The following GATM variants were observed in gnomAD, a reference collection of about 807,000 sequenced individuals.
GATM encodes the protein glycine amidinotransferase, mitochondrial.
Under a neutral mutation model 54.2 loss-of-function variants are expected in GATM, and 23 were observed. The observed-to-expected ratio is 0.42, with a 90% CI of 0.31 to 0.60. The LOEUF (loss-of-function observed/expected upper bound fraction) is 0.60. Among genes scored for constraint, GATM ranks in the 20% least tolerant of loss-of-function variants. The pLI is 0.14. For synonymous variants in GATM, 168 were observed against 183.1 expected, an observed-to-expected ratio of 0.92 and a Z score of 0.67; for missense variants, 401 against 544.9, an observed-to-expected ratio of 0.74 and a Z score of 2.63.
intron 2 of GATM, among the ~76,000 whole-genome samples, chr15:45,372,006 C>T (rs572795854): frequency 1.5e-3 from 230 of 152,256 alleles, no homozygotes; most frequent in African/African-American, 5.5e-3. Flanking sequence ...TACGCTGGAA[C>T]CTAGCTTGGT....
intron 1 of GATM, 29 bp downstream of exon 1, chr15:45,378,356 C>A: frequency 6.7e-7 from 1 of 1,502,032 alleles, no homozygotes. Context: ...AGTCACGCGG[C>A]CGCCAGACGA....
At chr15:45,397,661 G>A (rs1367419466) in intron 2 of GATM, among the ~76,000 whole-genome samples, 1 of 152,144 alleles carries the variant, frequency 6.6e-6, no homozygotes, top group Non-Finnish European at 1.5e-5. Flanking sequence ...GTTTTCCTGA[G>A]TTCCATGAGC....
intron 2 of GATM, chr15:45,369,756 C>T (rs1566841029): frequency 3.9e-6 from 2 of 518,242 alleles, no homozygotes; most frequent in East Asian, 7.0e-5. Flanking sequence ...GCTCCTCCTG[C>T]CTGAGATCTC....
intron 8 of GATM, among the ~76,000 whole-genome samples, chr15:45,362,450 T>G (rs989235694): frequency 7.9e-5 from 12 of 152,242 alleles, no homozygotes; most frequent in African/African-American, 2.7e-4. Context: ...TTCTATTGAC[T>G]ATTCACAAGT....
chr15:45,365,190 A>G (rs1261462542), intron 6 of GATM, among the ~76,000 whole-genome samples: 1 of 152,218 alleles, frequency 6.6e-6, no homozygotes, highest in Non-Finnish European at 1.5e-5. Context: ...AAAATTTCCT[A>G]TTTAGTTACA....
In GATM at chr15:45,368,076, A is replaced by G. The variant is rs151231277; in HGVS notation, c.669T>C (p.Tyr223=). 3.9e-4 allele frequency: 623 copies of G among 1,614,020 alleles called. 5 individuals are homozygous for G. The African/African-American group carries it at 6.7e-3, about 17-fold the overall frequency. ...CCTATAATTAGGGACTCACCTGGTT[A>G]TAAAGCTCATCAGCCATTGTGGGCT... ...APKPTMADEL[Y]NQDYPIHSVE... Residue 223 remains tyrosine (Y), a synonymous_variant, in exon 4 of 9, where the codon TAT becomes TAC. Transcript: ENST00000396659. The surrounding 1 kb of genome is among the most constrained non-coding windows in gnomAD (Gnocchi z 5.1).
In GATM at chr15:45,392,573, A is replaced by G. The variant is rs548323948; in HGVS notation, c.-319+4349T>C. Among the ~76,000 whole-genome samples the G allele has an allele frequency of 2.2e-4, 34 of 152,376 alleles. No homozygotes were observed. The South Asian group carries it at 6.8e-3, about 31-fold the overall frequency. On this transcript the variant is annotated intron_variant, in intron 3 of 4. Transcript: ENST00000561148. ...CATAGAAGAGCACCCACAACAAGCC[A>G]TTCATTCCTAGATAGATTCTGAGAA...
At chr15:45,378,350 A>C in intron 1 of GATM, 35 bp downstream of exon 1, 1 of 1,491,034 alleles carries the variant, frequency 6.7e-7, no homozygotes, top group Non-Finnish European at 8.9e-7. Flanking sequence ...CGAGTGAGTC[A>C]CGCGGCCGCC....
At chr15:45,394,344 C>T (rs1036498309) in intron 3 of GATM, among the ~76,000 whole-genome samples, 11 of 152,216 alleles carry the variant, frequency 7.2e-5, no homozygotes, top group African/African-American at 2.4e-4. Flanking sequence ...CCTCCTGCCA[C>T]ACCCCATCTG....
At chr15:45,396,999 CT>C (rs1889942626) in exon 3 of GATM, 1 of 151,470 alleles carries the variant, frequency 6.6e-6, no homozygotes, top group Admixed American at 6.6e-5. Context: ...CTTCCCTTTC[CT>C]CTTCCAATTC....
chr15:45,378,293 C>A, intron 1 of GATM, 92 bp downstream of exon 1: 1 of 964,996 alleles, frequency 1.0e-6, no homozygotes, highest in Non-Finnish European at 1.5e-6. Context: ...GGGAAGGTGG[C>A]GGCTCCGGGC....
chr15:45,365,730 G>C (rs1182610269), intron 6 of GATM, among the ~76,000 whole-genome samples: 1 of 152,222 alleles, frequency 6.6e-6, no homozygotes, highest in Non-Finnish European at 1.5e-5. Context: ...CGCTGCTGTG[G>C]AACCACTGTT....
At chr15:45,380,625 G>C (rs974195809), upstream of GATM, 2 of 151,956 alleles carry the variant, frequency 1.3e-5, no homozygotes, top group African/African-American at 4.8e-5. Flanking sequence ...TACCATTTCT[G>C]CTTGAGATTG....
intron 2 of GATM, among the ~76,000 whole-genome samples, chr15:45,374,441 G>A (rs1889593991): frequency 6.6e-6 from 1 of 152,200 alleles, no homozygotes; most frequent in Admixed American, 6.5e-5. Flanking sequence ...AAAATGGTTA[G>A]GGGATGGGAC....
chr15:45,378,677 C>A (rs952648585), upstream of GATM: 3 of 401,772 alleles, frequency 7.5e-6, no homozygotes, highest in Non-Finnish European at 1.3e-5. Context: ...CGGGAAGCGC[C>A]GCGGCCGCTG....
intron 1 of GATM, 27 bp downstream of exon 1, chr15:45,378,358 G>T: frequency 1.3e-6 from 2 of 1,502,286 alleles, no homozygotes; most frequent in Non-Finnish European, 1.8e-6. Flanking sequence ...TCACGCGGCC[G>T]CCAGACGAGG....
intron 2 of GATM, among the ~76,000 whole-genome samples, chr15:45,398,981 G>C (rs191489145): frequency 3.3e-5 from 5 of 152,080 alleles, no homozygotes; most frequent in Non-Finnish European, 4.4e-5. Context: ...TAGACTTACA[G>C]TTAATTAAGA....
chr15:45,365,228 C>A (rs1482022272), intron 6 of GATM, among the ~76,000 whole-genome samples: 2 of 152,116 alleles, frequency 1.3e-5, no homozygotes, highest in Non-Finnish European at 2.9e-5. Context: ...CTACATCAAA[C>A]CCACAGTCCT....
upstream of GATM, among the ~76,000 whole-genome samples, chr15:45,382,532 C>T (rs935330843): frequency 4.6e-5 from 7 of 152,058 alleles, no homozygotes; most frequent in African/African-American, 1.5e-4. Context: ...TGTGTTGGTG[C>T]ACACCTGTAA....
Sources: gnomAD v4.1 joint callset for allele counts (sites outside exome capture counted in the v4.1 genomes callset) on GRCh38, gnomAD v4.1.1 for gene constraint, Gnocchi (gnomAD v3.1) non-coding constraint, MANE v1.5 for transcripts, NCBI Gene and HGNC (gene_info 2026-07-23, HGNC 2026-07-21) for gene names.